The following PKP4 variants were observed in gnomAD, a reference collection of about 807,000 sequenced individuals.
PKP4 encodes the protein plakophilin 4.
Under a neutral mutation model 145.1 loss-of-function variants are expected in PKP4, and 90 were observed. That is an observed-to-expected ratio of 0.62 (90% CI 0.52 to 0.74). The LOEUF (loss-of-function observed/expected upper bound fraction) is 0.74. Ranked by LOEUF, PKP4 falls within the 30% of genes least tolerant of loss-of-function variation. The pLI is 0.00. For missense variants in PKP4, 1,340 were observed against 1,482.7 expected (o/e 0.90, Z 1.58); for synonymous variants, 563 against 577.2 (o/e 0.98, Z 0.35).
chr2:158,583,569 A>G (rs1327590343), intron 3 of PKP4, among the ~76,000 whole-genome samples: 1 of 152,226 alleles, frequency 6.6e-6, no homozygotes, highest in African/African-American at 2.4e-5. Flanking sequence ...AACCCTTTGT[A>G]GTGTAGTTTT....
chr2:158,567,298 TGA>T (rs1345335806), intron 2 of PKP4, among the ~76,000 whole-genome samples: 1 of 152,102 alleles, frequency 6.6e-6, no homozygotes, highest in African/African-American at 2.4e-5. Flanking sequence ...ATGGAACAAA[TGA>T]GGAAAAGCCT....
intron 1 of PKP4, among the ~76,000 whole-genome samples, chr2:158,478,393 G>A (rs564166971): frequency 2.6e-5 from 4 of 152,072 alleles, no homozygotes; most frequent in African/African-American, 9.6e-5. Context: ...AGACTATGCC[G>A]ATAGTAGTGT....
intron 13 of PKP4, 198 bp from the exon 14 acceptor site, chr2:158,662,699 G>A (rs2105981355): frequency 2.2e-6 from 1 of 458,930 alleles, no homozygotes; most frequent in Non-Finnish European, 3.8e-6. Context: ...GACTGAGAAG[G>A]GCTCTGCATC....
At chr2:158,506,408 G>T (rs1477012739) in intron 1 of PKP4, among the ~76,000 whole-genome samples, 1 of 152,220 alleles carries the variant, frequency 6.6e-6, no homozygotes, top group Non-Finnish European at 1.5e-5. Context: ...AGCTCAGTTA[G>T]ACGATCACCA....
intron 1 of PKP4, among the ~76,000 whole-genome samples, chr2:158,468,475 CAGG>C (rs1346847502): frequency 6.6e-6 from 1 of 152,090 alleles, no homozygotes; most frequent in Non-Finnish European, 1.5e-5. Context: ...CTTTAGATAG[CAGG>C]CACATTTAAT....
At chr2:158,478,047 G>C (rs539478657) in intron 1 of PKP4, among the ~76,000 whole-genome samples, 1 of 152,252 alleles carries the variant, frequency 6.6e-6, no homozygotes, top group South Asian at 2.1e-4. Flanking sequence ...AATGTTTTCA[G>C]TGTCCTAAAA....
intron 2 of PKP4, chr2:158,548,665 G>A (rs951367767): frequency 6.7e-5 from 11 of 165,304 alleles, no homozygotes; most frequent in South Asian, 1.2e-4. Flanking sequence ...TGCCTCTTGC[G>A]ATGAACCAGT....
intron 16 of PKP4, among the ~76,000 whole-genome samples, chr2:158,667,979 T>A (rs973312803): frequency 2.6e-5 from 4 of 152,238 alleles, no homozygotes; most frequent in Non-Finnish European, 5.9e-5. Flanking sequence ...GTATATCCTG[T>A]GGCCTGTCAT....
chr2:158,650,627 C>G (rs369932843), intron 11 of PKP4, among the ~76,000 whole-genome samples: 4 of 152,186 alleles, frequency 2.6e-5, no homozygotes, highest in South Asian at 4.1e-4. Context: ...CCTCTGTGAC[C>G]AGCCCAGTTC....
chr2:158,566,323 G>A (rs1485825933), intron 2 of PKP4, among the ~76,000 whole-genome samples: 1 of 151,976 alleles, frequency 6.6e-6, no homozygotes, highest in Non-Finnish European at 1.5e-5. Context: ...ACTAGTCTAC[G>A]TAGAGGAAGG....
At chr2:158,636,347 T>C (rs1198745071) in intron 9 of PKP4, among the ~76,000 whole-genome samples, 7 of 152,134 alleles carry the variant, frequency 4.6e-5, no homozygotes, top group Non-Finnish European at 8.8e-5. Context: ...TTAAAAGATG[T>C]CATTCATTGT....
At chr2:158,542,103 A>C (rs2044573320) in intron 2 of PKP4, among the ~76,000 whole-genome samples, 1 of 152,158 alleles carries the variant, frequency 6.6e-6, no homozygotes, top group Non-Finnish European at 1.5e-5. Context: ...CTGAAGAGTC[A>C]AGTAACACCG....
rs577571172 is a variant in PKP4 at position 158,487,082 on chromosome 2, T to C, written c.-6+29864T>C. ...AGCATCCTTATATAAAGCATACCTA[T>C]AAACTGGGGTGGGACAGAGAAGTAG... On this transcript the variant is annotated intron_variant, in intron 1 of 21. Transcript: ENST00000389759. Among the ~76,000 whole-genome samples the C allele has an allele frequency of 5.9e-5, 9 of 152,234 alleles. No individual in the cohort carries two copies. In the South Asian group the frequency reaches 1.9e-3, roughly 32 times the overall value.
chr2:158,604,152 A>G (rs2050455513), intron 4 of PKP4, among the ~76,000 whole-genome samples: 1 of 152,232 alleles, frequency 6.6e-6, no homozygotes, highest in South Asian at 2.1e-4. Context: ...AAATACTGAT[A>G]TAAGTGGACA....
intron 4 of PKP4, among the ~76,000 whole-genome samples, chr2:158,603,367 C>T (rs1210322342): frequency 6.6e-6 from 1 of 152,112 alleles, no homozygotes; most frequent in Non-Finnish European, 1.5e-5. Flanking sequence ...CCATTTCCAT[C>T]ATAAGAAAAC....
intron 2 of PKP4, among the ~76,000 whole-genome samples, chr2:158,567,482 G>A (rs936493003): frequency 6.6e-6 from 1 of 152,166 alleles, no homozygotes; most frequent in East Asian, 1.9e-4. Flanking sequence ...AGCGTGGTGC[G>A]CAGTGGTTAA....
chr2:158,599,534 T>A (rs1269024797), intron 3 of PKP4, among the ~76,000 whole-genome samples: 4 of 152,236 alleles, frequency 2.6e-5, no homozygotes, highest in Non-Finnish European at 5.9e-5. Flanking sequence ...CTGTGTTACA[T>A]ATCCAGTATG....
intron 1 of PKP4, among the ~76,000 whole-genome samples, chr2:158,514,405 A>G (rs188301623): frequency 3.9e-4 from 60 of 152,348 alleles, no homozygotes; most frequent in African/African-American, 4.6e-4. Context: ...ACTTTCTTCA[A>G]AAAGCTGTTT....
At chr2:158,621,639 G>A (rs1380989310) in intron 6 of PKP4, among the ~76,000 whole-genome samples, 2 of 151,936 alleles carry the variant, frequency 1.3e-5, no homozygotes, top group East Asian at 1.9e-4. Context: ...TCAGCAACTC[G>A]GGAGGCTGAG....
Sources: allele counts gnomAD v4.1 joint callset (sites outside exome capture counted in the v4.1 genomes callset), GRCh38; gene constraint gnomAD v4.1.1; transcripts MANE v1.5; gene names NCBI Gene and HGNC (gene_info 2026-07-23, HGNC 2026-07-21).